GLUD1: variants seen among roughly 807,000 people sequenced by gnomAD.
GLUD1 encodes the protein glutamate dehydrogenase 1, also known as glutamate dehydrogenase 1, mitochondrial.
In GLUD1, 22 loss-of-function variants were observed where a neutral mutation model predicts 56.0. That is an observed-to-expected ratio of 0.39 (90% CI 0.28 to 0.56). GLUD1 has a LOEUF of 0.56. Among genes scored for constraint, GLUD1 ranks in the 20% least tolerant of loss-of-function variants. GLUD1 has a pLI of 0.58. For synonymous variants in GLUD1, 223 were observed against 269.9 expected, an observed-to-expected ratio of 0.83 and a Z score of 1.70; for missense variants, 451 against 732.0, an observed-to-expected ratio of 0.62 and a Z score of 4.43.
At chr10:87,075,921 C>A (rs1446546072) in intron 3 of GLUD1, 47 bp downstream of exon 3, 2 of 1,325,398 alleles carry the variant, frequency 1.5e-6, no homozygotes, top group Non-Finnish European at 1.1e-6. Flanking sequence ...CTCAGAAAAA[C>A]AAAAACAACA....
At position 87,094,475 on chromosome 10, in the gene GLUD1, G is replaced by A; in HGVS notation, c.295C>T (p.Arg99Trp). 6.2e-7 allele frequency: 1 copy of A among 1,613,648 alleles called. No homozygotes were observed. Among genetic ancestry groups the A allele is most frequent in the Non-Finnish European group, 8.5e-7 (1 of 1,179,966 alleles). The change falls in exon 1 of 13, where the codon CGG (arginine) becomes TGG (tryptophan). Residue 99 changes from arginine to tryptophan, a missense_variant. This residue lies in a region of GLUD1 where 158 missense variants were observed against 189.7 expected (regional missense o/e 0.83). Transcript: ENST00000277865. The surrounding 1 kb of genome is among the most constrained non-coding windows in gnomAD (Gnocchi z 6.6). The part of the protein sequence containing the change: ...LRTRESEEQK[R>W]NRVRGILRII... The stretch of plus-strand genomic sequence containing the variant: ...CGCAGGATGCCGCGCACCCGGTTCC[G>A]CTTCTGCTCCTCGCTCTCCCGGGTC...
At chr10:87,092,630 A>G (rs762473492) in intron 1 of GLUD1, 41 of 981,302 alleles carry the variant, frequency 4.2e-5, no homozygotes, top group Admixed American at 3.1e-4. Context: ...GCTGCGACTT[A>G]TAAAAACAGG....
intron 4 of GLUD1, among the ~76,000 whole-genome samples, chr10:87,074,225 G>A (rs1037627552): frequency 2.0e-5 from 3 of 152,144 alleles, no homozygotes; most frequent in African/African-American, 7.2e-5. Context: ...AGGAGGCCGG[G>A]CACAGTGGCT....
chr10:87,079,229 A>G lies in GLUD1; in HGVS notation c.446-2573T>C, dbSNP rs574295191. Among the ~76,000 whole-genome samples, 789 of 142,128 alleles carry G rather than the reference A, an allele frequency of 5.6e-3. 6 individuals are homozygous for G. The highest frequency in any genetic ancestry group is 0.028 in the Middle Eastern group (8 of 288). The allele number at this position is 142,128 out of a possible 152,430, so 93.2% of individuals were successfully genotyped here. A position where few individuals can be genotyped will look rare whatever the true frequency, so the allele number is the denominator to read the frequency against. On this transcript the variant is annotated intron_variant, in intron 1 of 12. Coordinates refer to ENST00000277865, the MANE Select transcript of GLUD1 (RefSeq NM_005271.5). ...GTCAGATAAAGCCCACAGAAAAGGG[A>G]AAAAAAAACTGTAAATAATATTAAG... is the stretch of plus-strand genomic sequence containing the variant.
At position 87,051,882 on chromosome 10, in the gene GLUD1, G is replaced by C. The variant is rs763107906; in HGVS notation, c.1558-12C>G. Reference sequence around the variant, plus strand: ...GTGCGCATAATTTGCTGAAATGAAAGAGAAAATGCAGTGAAGATGATCCTG... The same window carrying C: ...GTGCGCATAATTTGCTGAAATGAAACAGAAAATGCAGTGAAGATGATCCTG... On this transcript the variant is annotated splice_polypyrimidine_tract_variant and intron_variant, in intron 12 of 12. Coordinates refer to ENST00000277865, the MANE Select transcript of GLUD1 (RefSeq NM_005271.5). 4 of 1,614,140 alleles carry C rather than the reference G, an allele frequency of 2.5e-6. No homozygotes were observed. In the South Asian group the frequency reaches 4.4e-5, roughly 18 times the overall value.
intron 4 of GLUD1, among the ~76,000 whole-genome samples, chr10:87,070,623 C>G (rs927453340): frequency 8.6e-5 from 13 of 151,752 alleles, no homozygotes; most frequent in Non-Finnish European, 1.3e-4. Flanking sequence ...AAAAACAATT[C>G]CAATTGGAGA....
intron 1 of GLUD1, among the ~76,000 whole-genome samples, chr10:87,093,092 A>T (rs1227447741): frequency 1.3e-5 from 2 of 152,264 alleles, no homozygotes; most frequent in East Asian, 1.9e-4. Context: ...ATGCAAATTT[A>T]GTAAATCTTT....
Position 87,058,593 on chromosome 10 carries a change from A to G in GLUD1, c.1402+557T>C, listed in dbSNP as rs1390262394. ...ATCGACAGTGGAGTTTTAAAATCACACTTAAAAAAATATTATTGGCTGGGC... is the reference window on the plus strand; with the variant it reads ...ATCGACAGTGGAGTTTTAAAATCACGCTTAAAAAAATATTATTGGCTGGGC... On this transcript the variant is annotated intron_variant, in intron 10 of 12. Transcript: ENST00000277865. Among the ~76,000 whole-genome samples the G allele has an allele frequency of 2.0e-5, 3 of 152,162 alleles. No individual in the cohort carries two copies. In the East Asian group the frequency reaches 5.8e-4, roughly 29 times the overall value.
At chr10:87,061,763 C>A (rs1845940060) in intron 6 of GLUD1, among the ~76,000 whole-genome samples, 3 of 150,672 alleles carry the variant, frequency 2.0e-5, no homozygotes, top group Admixed American at 2.0e-4. Context: ...ATTACAGGTG[C>A]CGCCATCATG....
chr10:87,061,302 AC>A (rs1349666372), intron 6 of GLUD1: 9 of 602,624 alleles, frequency 1.5e-5, no homozygotes, highest in Admixed American at 1.3e-4. Context: ...CAGGTGGATC[AC>A]TTGAGGTCAG....
chr10:87,070,607 A>C (rs1454701967), intron 4 of GLUD1, among the ~76,000 whole-genome samples: 1 of 152,154 alleles, frequency 6.6e-6, no homozygotes, highest in Non-Finnish European at 1.5e-5. Flanking sequence ...CAAAATCAAA[A>C]AAACAAAAAA....
chr10:87,061,435 T>C (rs1845926124), intron 6 of GLUD1, among the ~76,000 whole-genome samples: 1 of 151,968 alleles, frequency 6.6e-6, no homozygotes, highest in African/African-American at 2.4e-5. Context: ...GGAGAATCAC[T>C]TGAACCTGGG....
At chr10:87,054,866 A>C (rs1252854622) in intron 11 of GLUD1, among the ~76,000 whole-genome samples, 1 of 152,222 alleles carries the variant, frequency 6.6e-6, no homozygotes, top group African/African-American at 2.4e-5. Context: ...TGGACCTAAG[A>C]AATGAAAGCA....
At position 87,080,082 on chromosome 10, in the gene GLUD1, C is replaced by T. The variant is rs1428307663; in HGVS notation, c.446-3426G>A. Among the ~76,000 whole-genome samples the T allele has an allele frequency of 7.2e-5, 11 of 151,896 alleles. No individual in the cohort carries two copies. In the East Asian group the frequency reaches 1.2e-3, roughly 16 times the overall value. ...CCTGCCGAGTGCCTGCGATTGCAGGCGCGCGCCGCCACGCCTGACTGGTTT... is the reference window on the plus strand; with the variant it reads ...CCTGCCGAGTGCCTGCGATTGCAGGTGCGCGCCGCCACGCCTGACTGGTTT... On this transcript the variant is annotated intron_variant, in intron 1 of 12. Transcript: ENST00000277865.
intron 1 of GLUD1, among the ~76,000 whole-genome samples, chr10:87,086,704 G>A (rs1485309562): frequency 2.0e-5 from 3 of 151,418 alleles, no homozygotes; most frequent in Non-Finnish European, 4.4e-5. Flanking sequence ...GGCGGTGGGC[G>A]CCTGTAGTCC....
chr10:87,065,911 A>T (rs1052894164), intron 5 of GLUD1, among the ~76,000 whole-genome samples: 1 of 152,078 alleles, frequency 6.6e-6, no homozygotes, highest in Non-Finnish European at 1.5e-5. Flanking sequence ...CCAGGGTTGG[A>T]CTTCAGGTGG....
chr10:87,074,535 A>C lies in GLUD1; in HGVS notation c.646+16T>G. 6.8e-7 allele frequency: 1 copy of C among 1,481,368 alleles called. No homozygotes were observed. The highest frequency in any genetic ancestry group is 9.4e-7 in the Non-Finnish European group (1 of 1,062,158). The allele number at this position is 1,481,368 out of a possible 1,614,324, so 91.8% of individuals were successfully genotyped here. A position where few individuals can be genotyped will look rare whatever the true frequency, so the allele number is the denominator to read the frequency against. ...ATGTTCCCACTTTATACCAAAAACTATGTGGCTACACATACCAATAAAGCC... is the reference window on the plus strand; with the variant it reads ...ATGTTCCCACTTTATACCAAAAACTCTGTGGCTACACATACCAATAAAGCC... On this transcript the variant is annotated intron_variant, in intron 4 of 12. Transcript: ENST00000277865.
At position 87,094,678 on chromosome 10, in the gene GLUD1, C is replaced by A. The variant is rs1384107398; in HGVS notation, c.92G>T (p.Gly31Val). The A allele has an allele frequency of 6.6e-7, 1 of 1,515,550 alleles. No individual in the cohort carries two copies. The highest frequency in any genetic ancestry group is 8.8e-7 in the Non-Finnish European group (1 of 1,132,318). The allele number at this position is 1,515,550 out of a possible 1,614,324, so 93.9% of individuals were successfully genotyped here. A position where few individuals can be genotyped will look rare whatever the true frequency, so the allele number is the denominator to read the frequency against. The stretch of plus-strand genomic sequence containing the variant: ...GGCGGCGGGCTGTCCCCGGGCCCAG[C>A]CCAGCAACGCGGCCGAGTCGGCGGA... ...SASADSAALL[G>V]WARGQPAAAP... The change falls in exon 1 of 13, where the codon GGC becomes GTC. Residue 31 changes from glycine (G) to valine (V), a missense_variant. This residue lies in a region of GLUD1 where 158 missense variants were observed against 189.7 expected (regional missense o/e 0.83). Transcript: ENST00000277865. The surrounding 1 kb of genome is among the most constrained non-coding windows in gnomAD (Gnocchi z 6.6).
intron 4 of GLUD1, among the ~76,000 whole-genome samples, chr10:87,070,101 G>A (rs1014395923): frequency 6.6e-6 from 1 of 152,156 alleles, no homozygotes; most frequent in African/African-American, 2.4e-5. Flanking sequence ...TCTTTCTAGA[G>A]GTAACTACAA....
Sources: allele counts gnomAD v4.1 joint callset (sites outside exome capture counted in the v4.1 genomes callset), GRCh38; gene constraint gnomAD v4.1.1; regional missense constraint gnomAD v4.1.1; non-coding constraint Gnocchi (gnomAD v3.1); transcripts MANE v1.5; gene names NCBI Gene and HGNC (gene_info 2026-07-23, HGNC 2026-07-21).